Variants in LRCH2 observed in about 807,000 individuals in gnomAD.
The protein encoded by LRCH2 is leucine rich repeats and calponin homology domain containing 2, also known as leucine-rich repeat and calponin homology domain-containing protein 2.
In LRCH2, 38 loss-of-function variants were observed where a neutral mutation model predicts 68.9. The ratio of observed to expected loss-of-function variants is 0.55; its 90% CI spans 0.43 to 0.72. The LOEUF (loss-of-function observed/expected upper bound fraction) is 0.72. LRCH2 is among the 30% of genes least tolerant of loss of function. LRCH2 has a pLI of 0.00. For missense variants in LRCH2, 528 were observed against 572.9 expected, an observed-to-expected ratio of 0.92 and a Z score of 0.80; for synonymous variants, 191 against 208.1, an observed-to-expected ratio of 0.92 and a Z score of 0.71.
intron 10 of LRCH2, 72 bp downstream of exon 10, chrX:115,165,333 T>C (rs781891748): frequency 6.7e-6 from 5 of 744,828 alleles, no homozygotes; most frequent in Admixed American, 8.0e-5. Context: ...TTTCAAGTAC[T>C]CTTTCAAGTA....
chrX:115,190,088 T>A, intron 1 of LRCH2: 5 of 1,154,221 alleles, frequency 4.3e-6, no homozygotes, highest in Non-Finnish European at 5.8e-6. Flanking sequence ...CTGGCTCGCA[T>A]TGGCGGCAGT....
chrX:115,147,062 C>A (rs1365230722), intron 14 of LRCH2, among the ~76,000 whole-genome samples: 1 of 110,440 alleles, frequency 9.1e-6, no homozygotes, highest in Non-Finnish European at 1.9e-5. Flanking sequence ...TAAAGTTGCA[C>A]AAAAGTTCTG....
At chrX:115,142,705 G>A (rs782100471) in intron 14 of LRCH2, among the ~76,000 whole-genome samples, 7 of 111,578 alleles carry the variant, frequency 6.3e-5, no homozygotes, top group Non-Finnish European at 1.1e-4. Flanking sequence ...CCAGCTATAA[G>A]TGCTTACATC....
At chrX:115,206,309 C>A (rs1009503102) in intron 1 of LRCH2, among the ~76,000 whole-genome samples, 12 of 112,055 alleles carry the variant, frequency 1.1e-4, no homozygotes, top group South Asian at 3.7e-4. Context: ...AACAGGCCCC[C>A]AAATCTGGCC....
At chrX:115,127,553 GA>G (rs1556528509) in intron 15 of LRCH2, among the ~76,000 whole-genome samples, 1 of 111,340 alleles carries the variant, frequency 9.0e-6, no homozygotes, top group African/African-American at 3.3e-5. Flanking sequence ...GTCGAGGACA[GA>G]AATAGATTAA....
chrX:115,218,037 G>T (rs1213088752), intron 1 of LRCH2, among the ~76,000 whole-genome samples: 5 of 111,512 alleles, frequency 4.5e-5, no homozygotes, highest in African/African-American at 1.6e-4. Flanking sequence ...CTTTTGAGAA[G>T]TGTCTGTTCA....
chrX:115,177,011 T>G (rs2072654495), intron 5 of LRCH2, among the ~76,000 whole-genome samples: 2 of 103,947 alleles, frequency 1.9e-5, no homozygotes. Flanking sequence ...CCTCCCAAAG[T>G]GCTGCAATTA....
At chrX:115,225,293 G>A (rs1159882555) in intron 1 of LRCH2, among the ~76,000 whole-genome samples, 2 of 111,378 alleles carry the variant, frequency 1.8e-5, no homozygotes, top group African/African-American at 6.5e-5. Flanking sequence ...AGAGAGACAG[G>A]AGGGCAGGAC....
At position 115,156,668 on chromosome X, in the gene LRCH2, C is replaced by T; in HGVS notation, c.1464-1G>A. The T allele has an allele frequency of 1.8e-6, 2 of 1,104,024 alleles. No homozygotes were observed. Among genetic ancestry groups the T allele is most frequent in the Admixed American group, 3.0e-5 (1 of 33,181 alleles). 91.0% of individuals were successfully genotyped at this position (1,104,024 alleles called of 1,213,427 possible). On this transcript the variant is annotated splice_acceptor_variant, in intron 11 of 20. Coordinates refer to ENST00000317135, the MANE Select transcript of LRCH2 (RefSeq NM_020871.4). LOFTEE classifies it high-confidence loss of function. ...CACAGAAGTTGAATGATTAAGAATCCTAGAAGTAAATCAACACATTAATTC... is the reference window on the plus strand; with the variant it reads ...CACAGAAGTTGAATGATTAAGAATCTTAGAAGTAAATCAACACATTAATTC...
At chrX:115,162,545 A>G (rs1556542359) in intron 11 of LRCH2, among the ~76,000 whole-genome samples, 2 of 112,178 alleles carry the variant, frequency 1.8e-5, no homozygotes, top group Non-Finnish European at 3.8e-5. Context: ...GATACATTTG[A>G]TATGAAAGGA....
intron 1 of LRCH2, among the ~76,000 whole-genome samples, chrX:115,222,911 T>A (rs1250598000): frequency 9.0e-6 from 1 of 111,465 alleles, no homozygotes. Context: ...TGTCGGAAAA[T>A]TCACACTTCC....
chrX:115,217,937 G>C (rs781910763), intron 1 of LRCH2, among the ~76,000 whole-genome samples: 3 of 111,696 alleles, frequency 2.7e-5, no homozygotes, highest in Non-Finnish European at 5.7e-5. Flanking sequence ...GGCATGAAAT[G>C]GTATCTCATT....
intron 14 of LRCH2, among the ~76,000 whole-genome samples, chrX:115,132,399 T>C (rs2072253923): frequency 9.0e-6 from 1 of 111,476 alleles, no homozygotes; most frequent in African/African-American, 3.3e-5. Flanking sequence ...TGTCGATGTG[T>C]GGTATTATTT....
At chrX:115,229,108 A>G (rs1448274423) in intron 1 of LRCH2, among the ~76,000 whole-genome samples, 1 of 111,817 alleles carries the variant, frequency 8.9e-6, no homozygotes, top group Non-Finnish European at 1.9e-5. Context: ...TAGCTATGCA[A>G]ATACACACAA....
At chrX:115,212,556 G>T in intron 1 of LRCH2, among the ~76,000 whole-genome samples, 1 of 111,033 alleles carries the variant, frequency 9.0e-6, no homozygotes, top group Admixed American at 9.6e-5. Flanking sequence ...CTGGAGTGCA[G>T]TGGTGTGATC....
At chrX:115,184,382 G>A in intron 3 of LRCH2, 29 bp downstream of exon 3, 2 of 1,072,141 alleles carry the variant, frequency 1.9e-6, no homozygotes, top group Non-Finnish European at 2.5e-6. Flanking sequence ...TACGCATATT[G>A]CATTAATTAA....
intron 1 of LRCH2, chrX:115,189,437 G>A: frequency 1.7e-6 from 2 of 1,164,327 alleles, no homozygotes; most frequent in Non-Finnish European, 1.1e-6. Flanking sequence ...ATTCGGCAGG[G>A]AGACATGATG....
At chrX:115,138,751 T>C (rs782702016) in intron 14 of LRCH2, among the ~76,000 whole-genome samples, 2 of 112,090 alleles carry the variant, frequency 1.8e-5, no homozygotes, top group Middle Eastern at 9.3e-3. Flanking sequence ...CATGAAAACT[T>C]AGAAAGATGC....
At chrX:115,218,942 G>C (rs1006471437) in intron 1 of LRCH2, among the ~76,000 whole-genome samples, 4 of 112,176 alleles carry the variant, frequency 3.6e-5, no homozygotes, top group Admixed American at 9.4e-5. Context: ...GCAACAGTTT[G>C]ACTTTGATCT....
Sources: allele counts gnomAD v4.1 joint callset (sites outside exome capture counted in the v4.1 genomes callset), GRCh38; gene constraint gnomAD v4.1.1; transcripts MANE v1.5; gene names NCBI Gene and HGNC (gene_info 2026-07-23, HGNC 2026-07-21).